ZNF385D: variants seen among roughly 807,000 people sequenced by gnomAD.
The protein encoded by ZNF385D is zinc finger protein 385D, also known as zinc finger protein 659.
ZNF385D carries 15 observed loss-of-function variants against 35.8 expected under a neutral mutation model. That is an observed-to-expected ratio of 0.42 (90% CI 0.28 to 0.64). The LOEUF is 0.64. ZNF385D is among the 30% of genes least tolerant of loss of function. The pLI is 0.23. For missense variants in ZNF385D, 474 were observed against 494.6 expected (o/e 0.96, Z 0.39); for synonymous variants, 212 against 186.8 (o/e 1.13, Z -1.10).
intron 3 of ZNF385D, among the ~76,000 whole-genome samples, chr3:22,140,284 T>C (rs1559401197): frequency 1.3e-5 from 2 of 152,172 alleles, no homozygotes; most frequent in Non-Finnish European, 2.9e-5. Context: ...AACATAGATC[T>C]TAAATTCATA....
chr3:21,620,067 A>C (rs73137099), intron 2 of ZNF385D, among the ~76,000 whole-genome samples: 18 of 152,268 alleles, frequency 1.2e-4, no homozygotes, highest in Non-Finnish European at 2.2e-4. Context: ...CTGGACTAAA[A>C]GCCTGTAAGA....
At chr3:21,995,951 T>C (rs1204938605) in intron 3 of ZNF385D, among the ~76,000 whole-genome samples, 1 of 151,868 alleles carries the variant, frequency 6.6e-6, no homozygotes, top group Non-Finnish European at 1.5e-5. Flanking sequence ...TGGGCTAGAG[T>C]GCTGGGGACC....
chr3:22,228,520 C>T lies in ZNF385D; in HGVS notation c.107-59485G>A, dbSNP rs181973526. Among the ~76,000 whole-genome samples, 8 of 152,282 alleles carry T rather than the reference C, an allele frequency of 5.3e-5. No individual in the cohort carries two copies. The East Asian group carries it at 1.5e-3, about 29-fold the overall frequency. On this transcript the variant is annotated intron_variant, in intron 2 of 5. Transcript: ENST00000494108. ...CCACTCCCCATAATACCAGGTAATC[C>T]AGGGAATAAAAGCTTTTGGTTAAGT...
At chr3:22,098,902 T>A (rs940660604) in intron 3 of ZNF385D, among the ~76,000 whole-genome samples, 4 of 152,058 alleles carry the variant, frequency 2.6e-5, no homozygotes, top group Admixed American at 6.6e-5. Flanking sequence ...AATGGCATTA[T>A]TTATCAAAAG....
intron 2 of ZNF385D, among the ~76,000 whole-genome samples, chr3:21,653,528 C>A (rs1196793990): frequency 1.3e-5 from 2 of 151,910 alleles, no homozygotes; most frequent in Admixed American, 1.3e-4. Flanking sequence ...TATATATACA[C>A]AATATATGTA....
chr3:22,198,692 T>C (rs554057317), intron 2 of ZNF385D, among the ~76,000 whole-genome samples: 181 of 152,096 alleles, frequency 1.2e-3, no homozygotes, highest in Non-Finnish European at 2.0e-3. Context: ...AATACTATTA[T>C]AAAAATGTGT....
intron 2 of ZNF385D, among the ~76,000 whole-genome samples, chr3:22,248,671 G>A (rs185722312): frequency 9.2e-5 from 14 of 152,136 alleles, no homozygotes; most frequent in African/African-American, 3.1e-4. Flanking sequence ...TAACTCTACA[G>A]GGGAAATTAA....
intron 3 of ZNF385D, among the ~76,000 whole-genome samples, chr3:21,814,979 C>G (rs1408439901): frequency 6.6e-6 from 1 of 152,224 alleles, no homozygotes; most frequent in Non-Finnish European, 1.5e-5. Flanking sequence ...TTATAACAAA[C>G]TGTCTCTCAG....
intron 2 of ZNF385D, among the ~76,000 whole-genome samples, chr3:22,220,146 C>T (rs1698165110): frequency 1.3e-5 from 2 of 151,620 alleles, no homozygotes; most frequent in South Asian, 4.2e-4. Context: ...TCACTGTAGC[C>T]TCAACCTCCT....
At chr3:21,898,624 G>A (rs767506521) in intron 3 of ZNF385D, among the ~76,000 whole-genome samples, 1 of 152,148 alleles carries the variant, frequency 6.6e-6, no homozygotes, top group Non-Finnish European at 1.5e-5. Flanking sequence ...GAATGTGTCA[G>A]TTAGGAAGCA....
At chr3:22,153,997 T>C (rs1259289756) in intron 3 of ZNF385D, among the ~76,000 whole-genome samples, 1 of 152,176 alleles carries the variant, frequency 6.6e-6, no homozygotes, top group Non-Finnish European at 1.5e-5. Context: ...ACCTTTAGTT[T>C]TAGCATCCAG....
At position 21,716,157 on chromosome 3, in the gene ZNF385D, G is replaced by A. The variant is rs192890421; in HGVS notation, c.22+34738C>T. 3.0e-4 allele frequency among the ~76,000 whole-genome samples: 46 copies of A among 152,100 alleles called. 1 individual carries two copies. The highest frequency in any genetic ancestry group is 2.3e-3 in the East Asian group (12 of 5,164). On this transcript the variant is annotated intron_variant, in intron 1 of 7. Transcript: ENST00000281523. ...ACCTCCAATGTCACCACTCTTATAC[G>A]TGGCACCATCAAGCCTCATCTGAAA...
At chr3:22,370,518 TCAATCTATGGTATTA>T (rs370798236) in intron 2 of ZNF385D, among the ~76,000 whole-genome samples, 2,049 of 152,310 alleles carry the variant, frequency 0.013, 42 homozygotes, top group African/African-American at 0.047. Context: ...TGGGTATGAA[TCAATCTATGGTATTA>T]CAATCACTGT....
intron 3 of ZNF385D, among the ~76,000 whole-genome samples, chr3:21,975,172 G>C (rs777922174): frequency 2.0e-5 from 3 of 152,148 alleles, no homozygotes; most frequent in African/African-American, 4.8e-5. Context: ...CTAAGTGTCT[G>C]TCAACAGACA....
chr3:21,508,868 C>T (rs1706984005), intron 4 of ZNF385D, among the ~76,000 whole-genome samples: 1 of 151,982 alleles, frequency 6.6e-6, no homozygotes, highest in African/African-American at 2.4e-5. Context: ...AGATTCTGAC[C>T]CTTTGGATTA....
At chr3:21,789,180 T>C (rs71310283) in intron 3 of ZNF385D, among the ~76,000 whole-genome samples, 8,445 of 152,236 alleles carry the variant, frequency 0.055, 502 homozygotes, top group East Asian at 0.31. Context: ...AAAGAAAACA[T>C]AAAATACTGA....
chr3:21,757,242 G>A (rs576586753), intron 3 of ZNF385D, among the ~76,000 whole-genome samples: 5 of 149,982 alleles, frequency 3.3e-5, no homozygotes, highest in South Asian at 2.1e-4. Flanking sequence ...AGCGATTCTC[G>A]TGCCTCAGCC....
chr3:22,331,701 T>C (rs1694943392), intron 2 of ZNF385D, among the ~76,000 whole-genome samples: 1 of 152,274 alleles, frequency 6.6e-6, no homozygotes, highest in Non-Finnish European at 1.5e-5. Context: ...AGCTATAGAC[T>C]ACCAAAATAT....
intron 3 of ZNF385D, among the ~76,000 whole-genome samples, chr3:22,002,199 C>T (rs1377213912): frequency 6.6e-6 from 1 of 151,276 alleles, no homozygotes; most frequent in South Asian, 2.1e-4. Flanking sequence ...GCACTATTAG[C>T]TCAACTAACC....
Sources: allele counts gnomAD v4.1 joint callset (sites outside exome capture counted in the v4.1 genomes callset), GRCh38; gene constraint gnomAD v4.1.1; transcripts MANE v1.5; gene names NCBI Gene and HGNC (gene_info 2026-07-23, HGNC 2026-07-21).